The following CSMD1 variants were observed in gnomAD, a reference collection of about 807,000 sequenced individuals.
The protein encoded by CSMD1 is CUB and Sushi multiple domains 1.
Under a neutral mutation model 417.5 loss-of-function variants are expected in CSMD1, and 213 were observed. That is an observed-to-expected ratio of 0.51 (90% confidence interval 0.46 to 0.57). CSMD1 has a LOEUF of 0.57. Among genes scored for constraint, CSMD1 ranks in the 20% least tolerant of loss-of-function variants. The pLI is 0.00. For synonymous variants in CSMD1, 2,862 were observed against 1,736.8 expected (o/e 1.65, Z -16.11); for missense variants, 6,923 against 4,529.7 (o/e 1.53, Z -15.17).
At chr8:4,333,611 G>C (rs1360994828) in intron 3 of CSMD1, among the ~76,000 whole-genome samples, 2 of 152,148 alleles carry the variant, frequency 1.3e-5, no homozygotes, top group East Asian at 3.9e-4. Context: ...TACTGATGCA[G>C]ATATATTTAA....
intron 3 of CSMD1, among the ~76,000 whole-genome samples, chr8:4,232,731 G>C (rs182884251): frequency 1.4e-3 from 211 of 152,266 alleles, no homozygotes; most frequent in Non-Finnish European, 1.8e-3. Flanking sequence ...TTTAACAGTC[G>C]TAAGATTGCC....
chr8:4,774,953 A>G (rs1796774000), intron 1 of CSMD1, among the ~76,000 whole-genome samples: 1 of 152,170 alleles, frequency 6.6e-6, no homozygotes, highest in Non-Finnish European at 1.5e-5. Context: ...CAAAACCTTG[A>G]GCAAATTAAA....
intron 7 of CSMD1, among the ~76,000 whole-genome samples, chr8:3,622,015 G>T (rs1796274723): frequency 6.8e-6 from 1 of 147,256 alleles, no homozygotes; most frequent in Admixed American, 6.9e-5. Context: ...GTGTGTGTGT[G>T]TGTTTGAATA....
At chr8:4,815,823 C>T (rs1006624999) in intron 1 of CSMD1, among the ~76,000 whole-genome samples, 1 of 151,642 alleles carries the variant, frequency 6.6e-6, no homozygotes, top group Non-Finnish European at 1.5e-5. Flanking sequence ...TAATGAATGC[C>T]TAAATGTTGG....
chr8:4,989,938 C>T (rs1011185894), intron 1 of CSMD1, among the ~76,000 whole-genome samples: 1 of 152,160 alleles, frequency 6.6e-6, no homozygotes, highest in African/African-American at 2.4e-5. Context: ...GCATTGCCCC[C>T]GGGAGGAGCT....
chr8:3,998,600 C>T (rs1011010471), intron 4 of CSMD1, among the ~76,000 whole-genome samples: 2 of 152,016 alleles, frequency 1.3e-5, no homozygotes, highest in African/African-American at 2.4e-5. Context: ...TTTCAGATAG[C>T]TATTGAGTAA....
chr8:4,065,755 C>T (rs527400190), intron 3 of CSMD1, among the ~76,000 whole-genome samples: 1 of 152,270 alleles, frequency 6.6e-6, no homozygotes, highest in South Asian at 2.1e-4. Flanking sequence ...CACATAAATG[C>T]TAAATATTTG....
At chr8:3,519,767 T>A in intron 10 of CSMD1, among the ~76,000 whole-genome samples, 1 of 152,246 alleles carries the variant, frequency 6.6e-6, no homozygotes, top group Middle Eastern at 3.4e-3. Context: ...AAGTTGGCTG[T>A]ATGGAACACT....
At chr8:3,162,748 T>A (rs1033443764) in intron 37 of CSMD1, among the ~76,000 whole-genome samples, 3 of 151,988 alleles carry the variant, frequency 2.0e-5, no homozygotes, top group African/African-American at 7.2e-5. Flanking sequence ...ATATTTTACA[T>A]TCAATCTCTC....
intron 3 of CSMD1, among the ~76,000 whole-genome samples, chr8:4,255,533 G>T (rs913756455): frequency 6.6e-6 from 1 of 152,064 alleles, no homozygotes; most frequent in African/African-American, 2.4e-5. Context: ...GTTAAAAGTC[G>T]CAATCACTTT....
At chr8:4,221,381 A>G (rs1451905581) in intron 3 of CSMD1, among the ~76,000 whole-genome samples, 1 of 130,270 alleles carries the variant, frequency 7.7e-6, no homozygotes, top group Non-Finnish European at 1.7e-5. Flanking sequence ...AAAGTGAGAA[A>G]AAAAAAAAAA....
intron 10 of CSMD1, among the ~76,000 whole-genome samples, chr8:3,551,261 C>G (rs1324899579): frequency 6.6e-6 from 1 of 152,160 alleles, no homozygotes; most frequent in Non-Finnish European, 1.5e-5. Flanking sequence ...TAACTAATAT[C>G]TTGTGGCATA....
rs982033539 is a variant in CSMD1, at chr8:3,018,780, T to C, written c.7856-130A>G. On this transcript the variant is annotated intron_variant, in intron 51 of 69. Coordinates refer to ENST00000635120, the MANE Select transcript of CSMD1 (RefSeq NM_033225.6). The stretch of plus-strand genomic sequence containing the variant: ...TTAGTCTTAATTTTCACTAAGAACA[T>C]GGTTGAGAGTGTCTGCTTAGGGCTG... The C allele has an allele frequency of 5.1e-6, 4 of 782,112 alleles. No homozygotes were observed. The Admixed American group carries it at 8.4e-5, about 16-fold the overall frequency. The allele number at this position is 782,112 out of a possible 1,614,324, so 48.4% of individuals were successfully genotyped here. A position where few individuals can be genotyped will look rare whatever the true frequency, so the allele number is the denominator to read the frequency against.
intron 1 of CSMD1, among the ~76,000 whole-genome samples, chr8:4,713,844 T>C (rs755540519): frequency 1.3e-5 from 2 of 152,156 alleles, no homozygotes; most frequent in East Asian, 1.9e-4. Context: ...TTAATTTTCC[T>C]ATCTTTTGAA....
intron 10 of CSMD1, among the ~76,000 whole-genome samples, chr8:3,548,739 T>C (rs1294589498): frequency 1.3e-5 from 2 of 151,170 alleles, no homozygotes; most frequent in African/African-American, 4.9e-5. Flanking sequence ...GATAGGAATT[T>C]GGGTTGTTTC....
intron 2 of CSMD1, among the ~76,000 whole-genome samples, chr8:4,539,794 G>C (rs1797289771): frequency 6.6e-6 from 1 of 152,100 alleles, no homozygotes; most frequent in Admixed American, 6.6e-5. Flanking sequence ...TTTTAATCTG[G>C]TTTATTTTCC....
intron 5 of CSMD1, among the ~76,000 whole-genome samples, chr8:3,783,779 G>A (rs2720748): frequency 0.17 from 25,975 of 152,128 alleles, 2,484 homozygotes; most frequent in East Asian, 0.3. Context: ...AAAGAAAGTC[G>A]CATAGGAGAC....
chr8:4,414,409 C>T (rs1474733370), intron 3 of CSMD1, among the ~76,000 whole-genome samples: 1 of 152,098 alleles, frequency 6.6e-6, no homozygotes, highest in African/African-American at 2.4e-5. Context: ...AGGCCATTTT[C>T]TTTCATAAAA....
intron 5 of CSMD1, among the ~76,000 whole-genome samples, chr8:3,871,521 T>A (rs1355340867): frequency 6.6e-6 from 1 of 152,224 alleles, no homozygotes; most frequent in African/African-American, 2.4e-5. Flanking sequence ...CCATAATGAA[T>A]AATGCTTGAT....
Sources: allele counts gnomAD v4.1 joint callset (sites outside exome capture counted in the v4.1 genomes callset), GRCh38; gene constraint gnomAD v4.1.1; transcripts MANE v1.5; gene names NCBI Gene and HGNC (gene_info 2026-07-23, HGNC 2026-07-21).